NFIB: variants seen among roughly 807,000 people sequenced by gnomAD.
The protein encoded by NFIB is nuclear factor 1 B-type.
In NFIB, 11 loss-of-function variants were observed where a neutral mutation model predicts 61.5. That is an observed-to-expected ratio of 0.18 (90% CI 0.11 to 0.30). The LOEUF (loss-of-function observed/expected upper bound fraction) is 0.30, where lower values mean the gene tolerates loss of function less well. Ranked by LOEUF, NFIB falls within the 10% of genes least tolerant of loss-of-function variation. NFIB has a pLI of 1.00. For synonymous variants in NFIB, 260 were observed against 216.5 expected, an observed-to-expected ratio of 1.20 and a Z score of -1.76; for missense variants, 471 against 608.9, an observed-to-expected ratio of 0.77 and a Z score of 2.38.
chr9:14,506,470 G>C, the NFIB span, among the ~76,000 whole-genome samples: 2 of 152,218 alleles, frequency 1.3e-5, no homozygotes, highest in East Asian at 3.9e-4. Flanking sequence ...TCTTTCTTGA[G>C]AAGAAACGAA....
At chr9:14,520,764 T>C in the NFIB span, among the ~76,000 whole-genome samples, 1 of 152,114 alleles carries the variant, frequency 6.6e-6, no homozygotes, top group Non-Finnish European at 1.5e-5. Flanking sequence ...AAAGATGAAA[T>C]AGAATAAAGT....
At chr9:14,199,624 C>A (rs1426305112) in intron 2 of NFIB, among the ~76,000 whole-genome samples, 1 of 152,194 alleles carries the variant, frequency 6.6e-6, no homozygotes, top group African/African-American at 2.4e-5. Flanking sequence ...ATGCTTATAG[C>A]CGTTTTACTT....
chr9:14,160,831 C>CAAAAAAAAAAAAAA (rs36063048), intron 3 of NFIB, among the ~76,000 whole-genome samples: 2 of 96,326 alleles, frequency 2.1e-5, no homozygotes, highest in Non-Finnish European at 2.0e-5. Context: ...AAGGAAATCT[C>CAAAAAAAAAAAAAA]AAAAAAAAAA....
At chr9:14,309,646 A>G (rs896186971) in intron 1 of NFIB, among the ~76,000 whole-genome samples, 22 of 152,240 alleles carry the variant, frequency 1.4e-4, no homozygotes, top group African/African-American at 5.1e-4. Flanking sequence ...ATCCCATGAT[A>G]AGACCTCCCT....
intron 3 of NFIB, among the ~76,000 whole-genome samples, chr9:14,168,145 G>A (rs931802334): frequency 6.6e-6 from 1 of 152,176 alleles, no homozygotes; most frequent in Admixed American, 6.5e-5. Flanking sequence ...GCCTAGGTCA[G>A]GTTCTGAGTA....
the NFIB span, among the ~76,000 whole-genome samples, chr9:14,506,345 T>C: frequency 6.6e-6 from 1 of 152,140 alleles, no homozygotes; most frequent in Non-Finnish European, 1.5e-5. Flanking sequence ...CCAAACATGC[T>C]AGGTGCTCGG....
chr9:14,155,913 GA>G lies in NFIB; in HGVS notation c.617-21del. The G allele has an allele frequency of 2.8e-6, 4 of 1,422,742 alleles. No homozygotes were observed. Among genetic ancestry groups the G allele is most frequent in the Admixed American group, 2.0e-5 (1 of 51,052 alleles). 88.1% of individuals were successfully genotyped at this position (1,422,742 alleles called of 1,614,324 possible). On this transcript the variant is annotated intron_variant, in intron 3 of 10. Transcript: ENST00000380953. ...GGTAACCTGAAAATAAATATTAAAG[GA>G]AAAATGATCAATATAAGCAGAAAGT... is the stretch of plus-strand genomic sequence containing the variant.
At chr9:14,236,422 A>G (rs1318460020) in intron 2 of NFIB, among the ~76,000 whole-genome samples, 2 of 152,220 alleles carry the variant, frequency 1.3e-5, no homozygotes, top group Non-Finnish European at 2.9e-5. Context: ...TATGTTTGTA[A>G]TTACCATAAA....
At chr9:14,329,811 C>G (rs1038870328) in intron 1 of NFIB, among the ~76,000 whole-genome samples, 2 of 151,574 alleles carry the variant, frequency 1.3e-5, no homozygotes, top group Admixed American at 6.6e-5. Context: ...CCACGCCCAG[C>G]CATCTTTCTC....
chr9:14,299,711 G>T (rs1475874070), intron 2 of NFIB, among the ~76,000 whole-genome samples: 1 of 152,136 alleles, frequency 6.6e-6, no homozygotes, highest in African/African-American at 2.4e-5. Flanking sequence ...CTTGTTCAGA[G>T]ATCTTTAATT....
At chr9:14,232,423 GA>G (rs1456156311) in intron 2 of NFIB, among the ~76,000 whole-genome samples, 2 of 152,130 alleles carry the variant, frequency 1.3e-5, no homozygotes, top group African/African-American at 2.4e-5. Flanking sequence ...AGTGGTCCTG[GA>G]TTCTTCTAAA....
At chr9:14,459,927 A>T in the NFIB span, among the ~76,000 whole-genome samples, 1 of 152,146 alleles carries the variant, frequency 6.6e-6, no homozygotes, top group East Asian at 1.9e-4. Context: ...GGGGGACTGT[A>T]GACTAGTTCA....
At chr9:14,440,613 A>C in the NFIB span, among the ~76,000 whole-genome samples, 1 of 152,212 alleles carries the variant, frequency 6.6e-6, no homozygotes, top group Non-Finnish European at 1.5e-5. Flanking sequence ...TGTCCAACTG[A>C]TCAGACCTTG....
chr9:14,241,475 T>A (rs778614620), intron 2 of NFIB, among the ~76,000 whole-genome samples: 2 of 151,948 alleles, frequency 1.3e-5, no homozygotes, highest in Non-Finnish European at 2.9e-5. Flanking sequence ...AAATTTTTCT[T>A]TAATCGACTT....
At chr9:14,104,213 CATAA>C in intron 10 of NFIB, among the ~76,000 whole-genome samples, 1 of 151,764 alleles carries the variant, frequency 6.6e-6, no homozygotes, top group East Asian at 1.9e-4. Flanking sequence ...GGTGCCTGGT[CATAA>C]ATACTCTTAA....
At chr9:14,378,882 T>G (rs1271759216) in intron 1 of NFIB, among the ~76,000 whole-genome samples, 1 of 152,190 alleles carries the variant, frequency 6.6e-6, no homozygotes, top group African/African-American at 2.4e-5. Context: ...AGCAGCACCT[T>G]GTACTTCTGA....
intron 10 of NFIB, among the ~76,000 whole-genome samples, chr9:14,111,155 A>T (rs1646254622): frequency 1.3e-5 from 2 of 152,132 alleles, no homozygotes; most frequent in Admixed American, 6.6e-5. Context: ...ATAGTTTTTA[A>T]AATATATCAT....
At chr9:14,300,085 T>C (rs1054214625) in intron 2 of NFIB, 1 of 397,754 alleles carries the variant, frequency 2.5e-6, no homozygotes, top group Non-Finnish European at 4.4e-6. Flanking sequence ...GATGATTTAT[T>C]CTCTATGCCA....
At chr9:14,286,639 GAAC>G (rs2058725527) in intron 2 of NFIB, among the ~76,000 whole-genome samples, 2 of 152,020 alleles carry the variant, frequency 1.3e-5, no homozygotes, top group Admixed American at 6.6e-5. Flanking sequence ...TAAGAAAAAA[GAAC>G]AACAAAAATT....
Sources: gnomAD v4.1 joint callset for allele counts (sites outside exome capture counted in the v4.1 genomes callset) on GRCh38, gnomAD v4.1.1 for gene constraint, MANE v1.5 for transcripts, NCBI Gene and HGNC (gene_info 2026-07-23, HGNC 2026-07-21) for gene names.